The following OAS1 variants were observed in gnomAD, a reference collection of about 807,000 sequenced individuals.
The protein encoded by OAS1 is 2'-5'-oligoadenylate synthase 1.
In OAS1, 24 loss-of-function variants were observed where a neutral mutation model predicts 38.5. That is an observed-to-expected ratio of 0.62 (90% CI 0.45 to 0.88). OAS1 has a LOEUF of 0.88. Ranked by LOEUF, OAS1 falls within the 40% of genes least tolerant of loss-of-function variation. The pLI, the probability that OAS1 is intolerant of heterozygous loss-of-function variation, is 0.00. For missense variants in OAS1, 482 were observed against 493.9 expected, an observed-to-expected ratio of 0.98 and a Z score of 0.23; for synonymous variants, 169 against 193.9, an observed-to-expected ratio of 0.87 and a Z score of 1.07.
rs554107211 is a variant in OAS1 at position 112,913,252 on chromosome 12, T to C, written c.654+2017T>C. On this transcript the variant is annotated intron_variant, in intron 3 of 5. Transcript: ENST00000202917. Reference sequence around the variant, plus strand: ...CTGCAGCTCTTTTATAAGTAACCTGTCTTATTCTTCTGGCTGCATGTAAAA... The same window carrying C: ...CTGCAGCTCTTTTATAAGTAACCTGCCTTATTCTTCTGGCTGCATGTAAAA... 1.1e-4 allele frequency among the ~76,000 whole-genome samples: 16 copies of C among 152,336 alleles called. No individual in the cohort carries two copies. In the South Asian group the frequency reaches 1.7e-3, roughly 16 times the overall value.
chr12:112,914,304 TTG>T (rs1395486355), intron 3 of OAS1, among the ~76,000 whole-genome samples: 1 of 152,208 alleles, frequency 6.6e-6, no homozygotes, highest in Non-Finnish European at 1.5e-5. Context: ...CATGGTGTGT[TTG>T]TGTGTGTATA....
Position 112,919,862 on chromosome 12 carries a change from T to G in OAS1, c.*309T>G, listed in dbSNP as rs903383458. 1 of 830,798 alleles carries G rather than the reference T, an allele frequency of 1.2e-6. No individual in the cohort carries two copies. Among genetic ancestry groups the G allele is most frequent in the African/African-American group, 1.7e-5 (1 of 58,194 alleles). 51.5% of individuals were successfully genotyped at this position (830,798 alleles called of 1,614,324 possible). ...CTGTGCACCTGATGGGAGGGTAATG[T>G]CTAATGTATTATCAATAACAATAAA... On this transcript the variant is annotated 3_prime_UTR_variant, in exon 6 of 6. Transcript: ENST00000202917.
rs116233184 is a variant in OAS1 at position 112,910,707 on chromosome 12, T to C, written c.470-344T>C. On this transcript the variant is annotated intron_variant, in intron 2 of 5. Transcript: ENST00000202917. ...AGAGACCAGATCACACCAGACATCA[T>C]TGGCCACCATAAGATCTTTGGGTTT... 8.5e-3 allele frequency among the ~76,000 whole-genome samples: 1,290 copies of C among 152,244 alleles called. 15 individuals are homozygous for C. Among genetic ancestry groups the C allele is most frequent in the African/African-American group, 0.029 (1,198 of 41,518 alleles).
intron 3 of OAS1, 144 bp downstream of exon 3, chr12:112,911,379 A>G: frequency 1.5e-6 from 1 of 645,618 alleles, no homozygotes; most frequent in South Asian, 2.6e-5. Context: ...GAGAGAAAGG[A>G]AAAAGAGGTG....
Position 112,908,643 on chromosome 12 carries a change from A to T in OAS1, c.288A>T (p.Gly96=). The T allele has an allele frequency of 6.2e-7, 1 of 1,614,134 alleles. No homozygotes were observed. The highest frequency in any genetic ancestry group is 8.5e-7 in the Non-Finnish European group (1 of 1,180,032). Residue 96 remains glycine, a synonymous_variant, in exon 2 of 6, where the codon GGA becomes GGT. Transcript: ENST00000202917. ...TTFQDQLNRR[G]EFIQEIRRQL... ...TTCAGGATCAGTTAAATCGCCGGGG[A>T]GAGTTCATCCAGGAAATTAGGAGAC...
At chr12:112,912,362 A>T (rs2043396124) in intron 3 of OAS1, among the ~76,000 whole-genome samples, 1 of 152,160 alleles carries the variant, frequency 6.6e-6, no homozygotes, top group Non-Finnish European at 1.5e-5. Context: ...AAACAAACAA[A>T]CAAAAACTCG....
At position 112,911,160 on chromosome 12, in the gene OAS1, A is replaced by G. The variant is rs1480800314; in HGVS notation, c.579A>G (p.Leu193=). 4 of 1,614,010 alleles carry G rather than the reference A, an allele frequency of 2.5e-6. No homozygotes were observed. In the Admixed American group the frequency reaches 5.0e-5, roughly 20 times the overall value. ...EGEFSTCFTE[L]QRDFLKQRPT... is the part of the protein sequence containing the mutation. ...AGTTCTCCACCTGCTTCACAGAACT[A>G]CAGAGAGACTTCCTGAAGCAGCGCC... Residue 193 remains leucine, a synonymous_variant, in exon 3 of 6, where the codon CTA becomes CTG. Coordinates refer to ENST00000202917, the MANE Select transcript of OAS1 (RefSeq NM_016816.4).
intron 3 of OAS1, among the ~76,000 whole-genome samples, chr12:112,915,093 C>A (rs1443250807): frequency 6.6e-6 from 1 of 151,970 alleles, no homozygotes; most frequent in Non-Finnish European, 1.5e-5. Context: ...CTAATTATTT[C>A]TTTTGCTTTG....
Position 112,907,238 on chromosome 12 carries a change from G to A in OAS1, c.180+19G>A. 3 of 1,611,104 alleles carry A rather than the reference G, an allele frequency of 1.9e-6. No individual in the cohort carries two copies. Among genetic ancestry groups the A allele is most frequent in the South Asian group, 2.2e-5 (2 of 91,004 alleles). ...GGTAAAGGTGAGTCCAGGCCTGCCT[G>A]GCCAGGGGAGGGGTGGCTGAATGTG... On this transcript the variant is annotated intron_variant, in intron 1 of 5. Transcript: ENST00000202917.
At chr12:112,910,940 T>C in intron 2 of OAS1, 111 bp from the exon 3 acceptor site, 1 of 970,146 alleles carries the variant, frequency 1.0e-6, no homozygotes, top group East Asian at 2.5e-5. Flanking sequence ...CAGCCCTGGG[T>C]CTGCTGCACT....
At chr12:112,928,857 T>G (rs2043578538) in intron 6 of OAS1, among the ~76,000 whole-genome samples, 1 of 152,182 alleles carries the variant, frequency 6.6e-6, no homozygotes, top group Non-Finnish European at 1.5e-5. Flanking sequence ...GTGACTCAGT[T>G]TACCACACTG....
chr12:112,911,134 G>A lies in OAS1; in HGVS notation c.553G>A (p.Glu185Lys), dbSNP rs766882379. 9.9e-6 allele frequency: 16 copies of A among 1,614,068 alleles called. No individual in the cohort carries two copies. Among genetic ancestry groups the A allele is most frequent in the East Asian group, 6.7e-5 (3 of 44,872 alleles). The part of the protein sequence containing the change: ...EECTDLQKEG[E>K]FSTCFTELQR... ...GTGCACCGACCTGCAGAAAGAGGGC[G>A]AGTTCTCCACCTGCTTCACAGAACT... The change falls in exon 3 of 6, where the codon GAG becomes AAG. Residue 185 changes from glutamate (E) to lysine (K), a missense_variant. Transcript: ENST00000202917.
chr12:112,925,707 G>C (rs1753903908), intron 6 of OAS1, among the ~76,000 whole-genome samples: 1 of 152,140 alleles, frequency 6.6e-6, no homozygotes, highest in South Asian at 2.1e-4. Flanking sequence ...AATTCCTTGA[G>C]CCCACGAAGT....
At chr12:112,917,408 GA>G in intron 4 of OAS1, 138 bp from the exon 5 acceptor site, 1 of 1,105,380 alleles carries the variant, frequency 9.0e-7, no homozygotes, top group Non-Finnish European at 1.3e-6. Context: ...GGGCACTGGG[GA>G]CATACCCCAG....
chr12:112,923,490 C>T (rs2043542542), downstream of OAS1, among the ~76,000 whole-genome samples: 1 of 152,186 alleles, frequency 6.6e-6, no homozygotes, highest in Non-Finnish European at 1.5e-5. Flanking sequence ...TTTCATAGAC[C>T]TGTTATCCAT....
chr12:112,917,505 C>T, intron 4 of OAS1, 42 bp from the exon 5 acceptor site: 1 of 1,611,772 alleles, frequency 6.2e-7, no homozygotes, highest in Non-Finnish European at 8.5e-7. Flanking sequence ...CTAGACAGAG[C>T]CCCAGCTTCT....
Position 112,907,047 on chromosome 12 carries a change from A to T in OAS1, c.8A>T (p.Asp3Val), listed in dbSNP as rs1270262472. 1 of 1,614,238 alleles carries T rather than the reference A, an allele frequency of 6.2e-7. No individual in the cohort carries two copies. The highest frequency in any genetic ancestry group is 8.5e-7 in the Non-Finnish European group (1 of 1,180,042). MM[D>V]LRNTPAKSLD... is the part of the protein sequence containing the mutation. Reference sequence around the variant, plus strand: ...CCACTCTCTCTCCTGTCAATGATGGATCTCAGAAATACCCCAGCCAAATCT... The same window carrying T: ...CCACTCTCTCTCCTGTCAATGATGGTTCTCAGAAATACCCCAGCCAAATCT... The change falls in exon 1 of 6, where the codon GAT becomes GTT. Residue 3 changes from aspartate (D) to valine (V), a missense_variant. Coordinates refer to ENST00000202917, the MANE Select transcript of OAS1 (RefSeq NM_016816.4).
At chr12:112,916,223 A>C (rs2043452155) in intron 3 of OAS1, among the ~76,000 whole-genome samples, 1 of 152,252 alleles carries the variant, frequency 6.6e-6, no homozygotes, top group Admixed American at 6.5e-5. Flanking sequence ...CACATCAATA[A>C]GAATCCAGCG....
intron 3 of OAS1, among the ~76,000 whole-genome samples, chr12:112,915,073 G>C (rs890758010): frequency 2.6e-5 from 4 of 152,034 alleles, no homozygotes; most frequent in Admixed American, 2.6e-4. Context: ...TGGGTTGTCT[G>C]TTAACTCTGC....
Sources: gnomAD v4.1 joint callset for allele counts (sites outside exome capture counted in the v4.1 genomes callset) on GRCh38, gnomAD v4.1.1 for gene constraint, MANE v1.5 for transcripts, NCBI Gene and HGNC (gene_info 2026-07-23, HGNC 2026-07-21) for gene names.